Variants in C2CD3 observed in about 807,000 individuals in gnomAD.
The protein encoded by C2CD3 is C2 domain containing 3 centriole elongation regulator.
In C2CD3, 148 loss-of-function variants were observed where a neutral mutation model predicts 234.0. That is an observed-to-expected ratio of 0.63 (90% CI 0.55 to 0.72). The LOEUF (loss-of-function observed/expected upper bound fraction) is 0.72. Ranked by LOEUF, C2CD3 falls within the 30% of genes least tolerant of loss-of-function variation. The pLI, the probability that C2CD3 is intolerant of heterozygous loss-of-function variation, is 0.00. For missense variants in C2CD3, 2,577 were observed against 2,811.5 expected (o/e 0.92, Z 1.89); for synonymous variants, 1,000 against 1,035.4 (o/e 0.97, Z 0.66).
At chr11:74,155,395 T>C (rs1855943496) in intron 3 of C2CD3, among the ~76,000 whole-genome samples, 1 of 152,196 alleles carries the variant, frequency 6.6e-6, no homozygotes, top group African/African-American at 2.4e-5. Flanking sequence ...GCAATTCCAC[T>C]TGTAGGCATA....
intron 5 of C2CD3, among the ~76,000 whole-genome samples, chr11:74,134,510 T>C (rs757120656): frequency 8.5e-5 from 13 of 152,236 alleles, no homozygotes; most frequent in African/African-American, 2.6e-4. Flanking sequence ...CTGGGCAACA[T>C]AGTGAGATTC....
At chr11:74,120,764 T>TA (rs1957184568) in intron 8 of C2CD3, among the ~76,000 whole-genome samples, 1 of 152,216 alleles carries the variant, frequency 6.6e-6, no homozygotes, top group African/African-American at 2.4e-5. Flanking sequence ...AGCATTCCTA[T>TA]TTCTCCACAT....
At chr11:74,025,299 T>C (rs1416560377) in intron 32 of C2CD3, among the ~76,000 whole-genome samples, 3 of 151,928 alleles carry the variant, frequency 2.0e-5, no homozygotes, top group Non-Finnish European at 4.4e-5. Context: ...GAGTTGTGAG[T>C]GCGAAGTTTA....
Position 74,167,323 on chromosome 11 carries a change from C to T in C2CD3, c.325+1021G>A, listed in dbSNP as rs183168805. Among the ~76,000 whole-genome samples the T allele has an allele frequency of 1.6e-3, 249 of 152,236 alleles. 2 individuals are homozygous for T. Among genetic ancestry groups the T allele is most frequent in the African/African-American group, 4.8e-3 (201 of 41,548 alleles). On this transcript the variant is annotated intron_variant, in intron 2 of 32. Transcript: ENST00000334126. The stretch of plus-strand genomic sequence containing the variant: ...GGATTTAATTTTTAAGCTTACAGTA[C>T]CAAGATTATTTATATCTTTTAATCG...
intron 23 of C2CD3, among the ~76,000 whole-genome samples, chr11:74,077,875 A>C (rs1955144363): frequency 7.7e-6 from 1 of 129,998 alleles, no homozygotes; most frequent in Non-Finnish European, 1.6e-5. Context: ...AAGCACTACT[A>C]AATTATTATT....
In C2CD3 at chr11:74,158,667, A is replaced by T. The variant is rs189154748; in HGVS notation, c.483+2732T>A. On this transcript the variant is annotated intron_variant, in intron 3 of 32. Coordinates refer to ENST00000334126, the MANE Select transcript of C2CD3 (RefSeq NM_001286577.2). ...AACCCGGGAGGCGGAGGTTGTGGGGAGCCGAGATGGCGCCATTGCACTCCA... is the reference window on the plus strand; with the variant it reads ...AACCCGGGAGGCGGAGGTTGTGGGGTGCCGAGATGGCGCCATTGCACTCCA... Among the ~76,000 whole-genome samples, 588 of 151,996 alleles carry T rather than the reference A, an allele frequency of 3.9e-3. 3 individuals carry two copies. The highest frequency in any genetic ancestry group is 0.034 in the Middle Eastern group (10 of 294).
At chr11:74,090,962 A>G (rs1187556552) in intron 19 of C2CD3, 26 bp from the exon 20 acceptor site, 1 of 1,611,618 alleles carries the variant, frequency 6.2e-7, no homozygotes, top group Non-Finnish European at 8.5e-7. Context: ...ACAAGGAAAG[A>G]AGGTTGGTCA....
Position 74,074,310 on chromosome 11 carries a change from C to A in C2CD3, c.4894G>T (p.Asp1632Tyr). Residue 1632 changes from aspartate to tyrosine, a missense_variant, in exon 24 of 33, where the codon GAT becomes TAT. Physicochemically the swap from Asp to Tyr is radical, Grantham distance 160. Coordinates refer to ENST00000334126, the MANE Select transcript of C2CD3 (RefSeq NM_001286577.2). ...RLTQEGPADLDGTFAVSILVE... is the reference protein window; with the variant it reads ...RLTQEGPADLYGTFAVSILVE... ...AGGATGCTGACTGCAAACGTTCCAT[C>A]CAAATCAGCAGGGCCCTCCTGCGTC... 6.2e-7 allele frequency: 1 copy of A among 1,614,214 alleles called. No homozygotes were observed. Among genetic ancestry groups the A allele is most frequent in the Non-Finnish European group, 8.5e-7 (1 of 1,180,024 alleles).
At chr11:74,090,107 G>A (rs143782768) in intron 20 of C2CD3, among the ~76,000 whole-genome samples, 4 of 152,174 alleles carry the variant, frequency 2.6e-5, no homozygotes, top group African/African-American at 9.6e-5. Flanking sequence ...GTTGTGGCTG[G>A]AGTGGAGTAA....
intron 7 of C2CD3, among the ~76,000 whole-genome samples, chr11:74,125,395 G>A (rs376823146): frequency 1.3e-5 from 2 of 152,072 alleles, no homozygotes; most frequent in African/African-American, 4.8e-5. Context: ...TGAACTAAAC[G>A]ATCTGACATA....
intron 23 of C2CD3, 114 bp downstream of exon 23, chr11:74,078,001 T>C: frequency 7.7e-7 from 1 of 1,301,016 alleles, no homozygotes; most frequent in Non-Finnish European, 1.0e-6. Context: ...AATACCTATC[T>C]CACAGGATTG....
chr11:74,135,584 A>C (rs1487899651), intron 5 of C2CD3, among the ~76,000 whole-genome samples: 1 of 152,218 alleles, frequency 6.6e-6, no homozygotes, highest in African/African-American at 2.4e-5. Flanking sequence ...CTAATGTATC[A>C]TTGTTATTTT....
intron 4 of C2CD3, 43 bp downstream of exon 4, chr11:74,139,562 G>T: frequency 7.9e-7 from 1 of 1,262,386 alleles, no homozygotes; most frequent in Non-Finnish European, 1.2e-6. Flanking sequence ...CAACTACAGT[G>T]CAGTTAACTG....
In C2CD3 at chr11:74,138,777, G is replaced by T; in HGVS notation, c.898C>A (p.His300Asn). ...QPQIRTVAKS[H>N]SDSCILSSNN... The stretch of plus-strand genomic sequence containing the variant: ...GAAGAAAGAATGCATGAGTCACTGT[G>T]ACTCTTGGCAACTGTTCTAATTTGA... Residue 300 changes from histidine to asparagine, a missense_variant, in exon 5 of 33, where the codon CAC becomes AAC. By Grantham distance (68) the His-to-Asn change is moderately conservative. Transcript: ENST00000334126. 6.2e-7 allele frequency: 1 copy of T among 1,612,712 alleles called. No homozygotes were observed. Among genetic ancestry groups the T allele is most frequent in the Non-Finnish European group, 8.5e-7 (1 of 1,178,696 alleles).
rs869085401 is a variant in C2CD3, at chr11:74,054,507, GA to G, written c.5155+99del. ...TGTCGGGAATGCTTCACTTGGTTTG[GA>G]AAAAAAAAAAAAAAAAAAAAAAAAG... On this transcript the variant is annotated intron_variant, in intron 26 of 32. Transcript: ENST00000334126. 31,099 of 273,116 alleles carry G rather than the reference GA, an allele frequency of 0.11. 315 individuals are homozygous for G. Among genetic ancestry groups the G allele is most frequent in the African/African-American group, 0.19 (5,495 of 28,438 alleles). 16.9% of individuals were successfully genotyped at this position (273,116 alleles called of 1,614,324 possible).
intron 13 of C2CD3, among the ~76,000 whole-genome samples, chr11:74,104,556 G>A (rs1490644250): frequency 6.6e-6 from 1 of 152,076 alleles, no homozygotes; most frequent in Admixed American, 6.5e-5. Context: ...GAGAGGCAGA[G>A]AAGAGGCAGA....
intron 7 of C2CD3, among the ~76,000 whole-genome samples, chr11:74,123,737 CTTT>C (rs5792646): frequency 4.2e-5 from 5 of 119,468 alleles, no homozygotes; most frequent in Non-Finnish European, 6.7e-5. Context: ...ACGCTGGTAT[CTTT>C]TTTTTTTTTT....
In C2CD3 at chr11:74,133,500, G is replaced by C. The variant is rs1433039385; in HGVS notation, c.1013C>G (p.Ser338Ter). ...RNAMVISAMK[S>*]SPETSMLLDQ... ...CAACAACATGCTGGTCTCTGGGCTT[G>C]ATTTCATTGCAGAAATCACCATGGC... is the stretch of plus-strand genomic sequence containing the variant. Residue 338 changes from serine to a stop codon, truncating the protein, a stop_gained, in exon 6 of 33, where the codon TCA becomes TGA. Coordinates refer to ENST00000334126, the MANE Select transcript of C2CD3 (RefSeq NM_001286577.2). LOFTEE classifies it high-confidence loss of function. 2 of 1,613,806 alleles carry C rather than the reference G, an allele frequency of 1.2e-6. No homozygotes were observed. The highest frequency in any genetic ancestry group is 2.7e-5 in the African/African-American group (2 of 74,926).
chr11:74,139,822 G>A lies in C2CD3; in HGVS notation c.490C>T (p.Leu164Phe), dbSNP rs1465047797. Reference sequence around the variant, plus strand: ...GTTTCTGACAGAGGTTCCAGGGCAAGTGAGACCTAAGAGAGACAGGTAGTA... The same window carrying A: ...GTTTCTGACAGAGGTTCCAGGGCAAATGAGACCTAAGAGAGACAGGTAGTA... Reference protein sequence around the residue: ...SKKLGELQVSLALEPLSETYD... With the variant: ...SKKLGELQVSFALEPLSETYD... Residue 164 changes from leucine to phenylalanine, a missense_variant, in exon 4 of 33, where the codon CTT becomes TTT. Coordinates refer to ENST00000334126, the MANE Select transcript of C2CD3 (RefSeq NM_001286577.2). The A allele has an allele frequency of 6.2e-7, 1 of 1,602,330 alleles. No homozygotes were observed. Among genetic ancestry groups the A allele is most frequent in the East Asian group, 2.2e-5 (1 of 44,828 alleles).
Sources: gnomAD v4.1 joint callset for allele counts (sites outside exome capture counted in the v4.1 genomes callset) on GRCh38, gnomAD v4.1.1 for gene constraint, MANE v1.5 for transcripts, NCBI Gene and HGNC (gene_info 2026-07-23, HGNC 2026-07-21) for gene names.